Variants in ZMYND12 observed in about 807,000 individuals in gnomAD.
ZMYND12 encodes zinc finger MYND domain-containing protein 12.
ZMYND12 carries 32 observed loss-of-function variants against 41.7 expected under a neutral mutation model. The ratio of observed to expected loss-of-function variants is 0.77; its 90% CI spans 0.58 to 1.03. The LOEUF is 1.03. ZMYND12 is among the 50% of genes least tolerant of loss of function. ZMYND12 has a pLI of 0.00. For synonymous variants in ZMYND12, 148 were observed against 164.8 expected, an observed-to-expected ratio of 0.90 and a Z score of 0.78; for missense variants, 424 against 438.5, an observed-to-expected ratio of 0.97 and a Z score of 0.30.
intron 3 of ZMYND12, among the ~76,000 whole-genome samples, chr1:42,448,224 A>G (rs2148409497): frequency 6.6e-6 from 1 of 152,334 alleles, no homozygotes; most frequent in African/African-American, 2.4e-5. Flanking sequence ...CTCCTGTAGG[A>G]TACTACAGCA....
intron 3 of ZMYND12, among the ~76,000 whole-genome samples, chr1:42,447,182 A>C (rs12407475): frequency 1.3e-5 from 2 of 152,210 alleles, no homozygotes; most frequent in Admixed American, 1.3e-4. Flanking sequence ...ACGCCATCCT[A>C]ATAAAGTAAT....
At chr1:42,434,080 G>C (rs754573915) in intron 6 of ZMYND12, among the ~76,000 whole-genome samples, 1 of 152,108 alleles carries the variant, frequency 6.6e-6, no homozygotes, top group Non-Finnish European at 1.5e-5. Context: ...ACACCACCCA[G>C]CTGTCCTCAC....
intron 1 of ZMYND12, among the ~76,000 whole-genome samples, chr1:42,450,726 C>T (rs1025080303): frequency 1.3e-5 from 2 of 152,126 alleles, no homozygotes; most frequent in African/African-American, 4.8e-5. Context: ...CATATGAGTA[C>T]TAAATTCATA....
At chr1:42,430,958 A>G (rs974168422) in intron 7 of ZMYND12, 100 bp from the exon 8 acceptor site, 25 of 1,506,232 alleles carry the variant, frequency 1.7e-5, no homozygotes, top group Non-Finnish European at 2.2e-5. Flanking sequence ...GAGAGAACTG[A>G]CCACCTTTTC....
chr1:42,439,646 T>C (rs1339532396), intron 4 of ZMYND12, among the ~76,000 whole-genome samples: 1 of 152,228 alleles, frequency 6.6e-6, no homozygotes, highest in Non-Finnish European at 1.5e-5. Context: ...ATATGTGACC[T>C]GGCCAAGGTT....
In ZMYND12 at chr1:42,450,298, G is replaced by T. The variant is rs1248540708; in HGVS notation, c.111-239C>A. Among the ~76,000 whole-genome samples, 3 of 152,194 alleles carry T rather than the reference G, an allele frequency of 2.0e-5. No homozygotes were observed. The East Asian group carries it at 5.8e-4, about 29-fold the overall frequency. On this transcript the variant is annotated intron_variant, in intron 1 of 7. Coordinates refer to ENST00000372565, the MANE Select transcript of ZMYND12 (RefSeq NM_032257.5). ...TTCTGCAGGCACACATTCACATTCT[G>T]AAGTCACACAGGGATGCTGGCATGC...
intron 3 of ZMYND12, 124 bp downstream of exon 3, chr1:42,448,343 C>A: frequency 8.5e-7 from 1 of 1,171,270 alleles, no homozygotes; most frequent in Non-Finnish European, 1.1e-6. Flanking sequence ...AACTTTACAG[C>A]AACCCTGCTC....
intron 1 of ZMYND12, among the ~76,000 whole-genome samples, chr1:42,451,040 T>C (rs1206866340): frequency 6.6e-6 from 1 of 152,254 alleles, no homozygotes; most frequent in Non-Finnish European, 1.5e-5. Context: ...TAGAGAAGAA[T>C]AGGCATTCTC....
At chr1:42,432,501 G>C (rs892549396) in intron 7 of ZMYND12, among the ~76,000 whole-genome samples, 2 of 152,226 alleles carry the variant, frequency 1.3e-5, no homozygotes, top group African/African-American at 4.8e-5. Flanking sequence ...CTAGATTAGT[G>C]CTTTACAAAT....
intron 1 of ZMYND12, 150 bp from the exon 2 acceptor site, chr1:42,450,209 C>A: frequency 1.2e-6 from 1 of 818,698 alleles, no homozygotes; most frequent in Non-Finnish European, 1.9e-6. Context: ...AGACTCAAAT[C>A]TCTTTCCTTT....
chr1:42,435,125 CG>C lies in ZMYND12; in HGVS notation c.829+148del, dbSNP rs1305883730. 5 of 635,420 alleles carry C rather than the reference CG, an allele frequency of 7.9e-6. No individual in the cohort carries two copies. In the East Asian group the frequency reaches 1.1e-4, roughly 14 times the overall value. 39.4% of individuals were successfully genotyped at this position (635,420 alleles called of 1,614,324 possible). A position where few individuals can be genotyped will look rare whatever the true frequency, so the allele number is the denominator to read the frequency against. ...ACACTGGTAAAATCTCTTTGATCCC[CG>C]TGTCTCAGTTTTCTCCATCAGCAAC... On this transcript the variant is annotated intron_variant, in intron 6 of 7. Transcript: ENST00000372565.
chr1:42,434,622 G>A (rs564791486), intron 6 of ZMYND12, among the ~76,000 whole-genome samples: 13 of 151,792 alleles, frequency 8.6e-5, no homozygotes, highest in African/African-American at 2.4e-4. Flanking sequence ...TCTTAGGAGC[G>A]TGAACCCTAT....
intron 4 of ZMYND12, among the ~76,000 whole-genome samples, chr1:42,437,440 CTGTGTGTGTGTG>C (rs113850227): frequency 2.1e-5 from 3 of 144,410 alleles, no homozygotes; most frequent in South Asian, 2.2e-4. Flanking sequence ...CAATAAAGCT[CTGTGTGTGTGTG>C]TGTGTGTGTG....
chr1:42,455,131 A>G (rs756894403), intron 1 of ZMYND12, among the ~76,000 whole-genome samples: 9 of 152,192 alleles, frequency 5.9e-5, no homozygotes, highest in South Asian at 4.1e-4. Flanking sequence ...CTCGGCCCTT[A>G]GCAAACTCTG....
At chr1:42,437,552 C>T (rs1374116581) in intron 4 of ZMYND12, among the ~76,000 whole-genome samples, 2 of 150,406 alleles carry the variant, frequency 1.3e-5, no homozygotes, top group East Asian at 2.0e-4. Flanking sequence ...CTCCCTCTGT[C>T]GCCCAGGCTG....
intron 3 of ZMYND12, among the ~76,000 whole-genome samples, chr1:42,445,489 T>C (rs1643014790): frequency 6.6e-6 from 1 of 150,500 alleles, no homozygotes. Flanking sequence ...GGAAAGCTTC[T>C]AGACAAGGCA....
At chr1:42,443,063 AT>A (rs1642986859) in intron 3 of ZMYND12, among the ~76,000 whole-genome samples, 1 of 152,222 alleles carries the variant, frequency 6.6e-6, no homozygotes, top group African/African-American at 2.4e-5. Flanking sequence ...AATATTGGAA[AT>A]TTAAAATTTT....
chr1:42,455,283 GC>G (rs1187604194), intron 1 of ZMYND12, among the ~76,000 whole-genome samples: 1 of 152,002 alleles, frequency 6.6e-6, no homozygotes, highest in Admixed American at 6.5e-5. Context: ...TCCACATACT[GC>G]CCCATTCACT....
At chr1:42,445,552 A>G (rs1315087455) in intron 3 of ZMYND12, among the ~76,000 whole-genome samples, 2 of 152,074 alleles carry the variant, frequency 1.3e-5, no homozygotes, top group African/African-American at 2.4e-5. Flanking sequence ...AATTTGGTGA[A>G]GGGAAGAGGA....
Sources: gnomAD v4.1 joint callset for allele counts (sites outside exome capture counted in the v4.1 genomes callset) on GRCh38, gnomAD v4.1.1 for gene constraint, MANE v1.5 for transcripts, NCBI Gene and HGNC (gene_info 2026-07-23, HGNC 2026-07-21) for gene names.